Variants in ZBTB41 observed in about 807,000 individuals in gnomAD.
ZBTB41 encodes zinc finger and BTB domain containing 41.
In ZBTB41, 42 loss-of-function variants were observed where a neutral mutation model predicts 87.6. The ratio of observed to expected loss-of-function variants is 0.48; its 90% CI spans 0.37 to 0.62. The LOEUF is 0.62. Among genes scored for constraint, ZBTB41 ranks in the 20% least tolerant of loss-of-function variants. ZBTB41 has a pLI of 0.00. For synonymous variants in ZBTB41, 364 were observed against 364.0 expected, an observed-to-expected ratio of 1.00 and a Z score of 0.00; for missense variants, 799 against 1,078.9, an observed-to-expected ratio of 0.74 and a Z score of 3.63.
chr1:197,175,785 C>T (rs1025877180), intron 8 of ZBTB41: 1 of 151,694 alleles, frequency 6.6e-6, no homozygotes, highest in Non-Finnish European at 1.5e-5. Context: ...GGCATAATTC[C>T]AATGGAAAAA....
chr1:197,190,923 C>T (rs1557985965), intron 3 of ZBTB41, 92 bp from the exon 4 acceptor site: 11 of 762,080 alleles, frequency 1.4e-5, no homozygotes, highest in Non-Finnish European at 4.2e-6. Flanking sequence ...TTACCAGGAT[C>T]AAGTACTGAT....
At chr1:197,173,871 G>T (rs191797573) in intron 9 of ZBTB41, among the ~76,000 whole-genome samples, 4 of 152,020 alleles carry the variant, frequency 2.6e-5, no homozygotes, top group Non-Finnish European at 5.9e-5. Flanking sequence ...GCCTGAAAAC[G>T]TTTTTGTTTT....
Position 197,191,869 on chromosome 1 carries a change from G to T in ZBTB41, c.1151C>A (p.Thr384Lys). The change falls in exon 3 of 11, where the codon ACA becomes AAA. Residue 384 changes from threonine to lysine, a missense_variant. Thr to Lys is a moderately conservative substitution (Grantham distance 78). Coordinates refer to ENST00000367405, the MANE Select transcript of ZBTB41 (RefSeq NM_194314.3). ...ATCACACTCAAAGGGCTTCTCACCT[G>T]TGTGAACACGGGTGTGGCTCTCATA... ...GKYESHTRVH[T>K]GEKPFECDIC... is the part of the protein sequence containing the mutation. 3 of 1,612,786 alleles carry T rather than the reference G, an allele frequency of 1.9e-6. No homozygotes were observed. The highest frequency in any genetic ancestry group is 2.5e-6 in the Non-Finnish European group (3 of 1,179,418).
At chr1:197,183,919 GTAAGTTCAGCATATGCTTGTATACTTGTA>G (rs963049690) in intron 5 of ZBTB41, among the ~76,000 whole-genome samples, 2 of 152,132 alleles carry the variant, frequency 1.3e-5, no homozygotes, top group Non-Finnish European at 2.9e-5. Context: ...AGTTAGTAAG[GTAAGTTCAGCATATGCTTGTATACTTGTA>G]TAATTTCACT....
chr1:197,177,683 T>G (rs1332624229), intron 7 of ZBTB41, among the ~76,000 whole-genome samples: 1 of 152,106 alleles, frequency 6.6e-6, no homozygotes, highest in Non-Finnish European at 1.5e-5. Context: ...TTAATTTAAC[T>G]TGAATTACTT....
intron 6 of ZBTB41, among the ~76,000 whole-genome samples, chr1:197,179,126 A>G (rs1336506362): frequency 6.6e-6 from 1 of 152,108 alleles, no homozygotes; most frequent in Admixed American, 6.6e-5. Flanking sequence ...CCACATATCT[A>G]AAGTGCTGAG....
At chr1:197,190,360 C>T (rs1659997749) in intron 4 of ZBTB41, among the ~76,000 whole-genome samples, 1 of 152,184 alleles carries the variant, frequency 6.6e-6, no homozygotes, top group South Asian at 2.1e-4. Context: ...GGATTCCTAA[C>T]ACACAAAAGG....
Position 197,170,268 on chromosome 1 carries a change from A to G in ZBTB41, c.2074+1892T>C, listed in dbSNP as rs371317752. Among the ~76,000 whole-genome samples the G allele has an allele frequency of 8.8e-3, 1,336 of 152,054 alleles. 16 individuals carry two copies. The highest frequency in any genetic ancestry group is 0.028 in the African/African-American group (1,181 of 41,530). The stretch of plus-strand genomic sequence containing the variant: ...AACTAAGGGTATCCCAACAAGGAAA[A>G]AAAAAATCTGAAGAACAAAATTTTT... On this transcript the variant is annotated intron_variant, in intron 10 of 10. Coordinates refer to ENST00000367405, the MANE Select transcript of ZBTB41 (RefSeq NM_194314.3).
At chr1:197,193,008 CAAAGA>C (rs1660072371) in intron 2 of ZBTB41, among the ~76,000 whole-genome samples, 1 of 151,870 alleles carries the variant, frequency 6.6e-6, no homozygotes, top group African/African-American at 2.4e-5. Flanking sequence ...TAATCACAAG[CAAAGA>C]AAACAGAAGT....
At chr1:197,164,101 C>T (rs1377411941) in intron 10 of ZBTB41, among the ~76,000 whole-genome samples, 1 of 151,954 alleles carries the variant, frequency 6.6e-6, no homozygotes, top group Non-Finnish European at 1.5e-5. Context: ...AATTTAAATA[C>T]ATACAATATA....
At chr1:197,169,282 T>G (rs1659423425) in intron 10 of ZBTB41, among the ~76,000 whole-genome samples, 1 of 152,008 alleles carries the variant, frequency 6.6e-6, no homozygotes, top group Middle Eastern at 3.2e-3. Context: ...GACAAGGATG[T>G]TCACAGCAGC....
At chr1:197,162,752 G>A (rs774381498) in intron 10 of ZBTB41, among the ~76,000 whole-genome samples, 1 of 152,112 alleles carries the variant, frequency 6.6e-6, no homozygotes, top group Non-Finnish European at 1.5e-5. Context: ...GAAGTATAGA[G>A]GTGCTTTCTT....
chr1:197,196,222 A>G (rs779218275), intron 2 of ZBTB41, among the ~76,000 whole-genome samples: 14 of 152,214 alleles, frequency 9.2e-5, no homozygotes, highest in Non-Finnish European at 1.6e-4. Context: ...AATGTGGATG[A>G]TATGAGAATA....
intron 10 of ZBTB41, among the ~76,000 whole-genome samples, chr1:197,165,856 G>A (rs534134461): frequency 2.4e-4 from 36 of 152,292 alleles, no homozygotes; most frequent in Non-Finnish European, 4.9e-4. Context: ...CAAGATCAAC[G>A]CAGAAGGCAG....
intron 10 of ZBTB41, among the ~76,000 whole-genome samples, chr1:197,169,717 T>C (rs936233931): frequency 2.6e-5 from 4 of 151,930 alleles, no homozygotes; most frequent in African/African-American, 9.7e-5. Flanking sequence ...AAAAAAAAGC[T>C]TACAAAGAAA....
In ZBTB41 at chr1:197,158,302, T is replaced by C. The variant is rs574242879; in HGVS notation, c.*1057A>G. On this transcript the variant is annotated 3_prime_UTR_variant, in exon 11 of 11. Transcript: ENST00000367405. ...GATCTGGATTGCATGTAAATCTGTATATAAGTAGTGGTTCCATTTAATTAA... is the reference window on the plus strand; with the variant it reads ...GATCTGGATTGCATGTAAATCTGTACATAAGTAGTGGTTCCATTTAATTAA... The C allele has an allele frequency of 6.6e-6, 1 of 152,534 alleles. No homozygotes were observed. The highest frequency in any genetic ancestry group is 1.9e-4 in the East Asian group (1 of 5,192). The allele number at this position is 152,534 out of a possible 1,614,324, so 9.4% of individuals were successfully genotyped here.
rs192626732 is a variant in ZBTB41 at position 197,183,264 on chromosome 1, G to A, written c.1547-2147C>T. Among the ~76,000 whole-genome samples, 18 of 152,174 alleles carry A rather than the reference G, an allele frequency of 1.2e-4. No homozygotes were observed. The East Asian group carries it at 2.9e-3, about 24-fold the overall frequency. ...AGAAAGAGAATGAAAACTATGCCTG[G>A]CTCTACATTTGGCACTTATACAGTA... On this transcript the variant is annotated intron_variant, in intron 5 of 10. Coordinates refer to ENST00000367405, the MANE Select transcript of ZBTB41 (RefSeq NM_194314.3).
chr1:197,200,993 G>A (rs1652769427), intron 1 of ZBTB41, among the ~76,000 whole-genome samples: 1 of 152,158 alleles, frequency 6.6e-6, no homozygotes, highest in Non-Finnish European at 1.5e-5. Context: ...TTCCTCGGGC[G>A]GGCAAGGCAC....
intron 10 of ZBTB41, among the ~76,000 whole-genome samples, chr1:197,171,231 C>A (rs1659469069): frequency 6.6e-6 from 1 of 152,074 alleles, no homozygotes; most frequent in Non-Finnish European, 1.5e-5. Flanking sequence ...TTCGTTTCCT[C>A]ATTTTACACT....
Sources: allele counts gnomAD v4.1 joint callset (sites outside exome capture counted in the v4.1 genomes callset), GRCh38; gene constraint gnomAD v4.1.1; transcripts MANE v1.5; gene names NCBI Gene and HGNC (gene_info 2026-07-23, HGNC 2026-07-21).